MGAT4C: variants seen among roughly 807,000 people sequenced by gnomAD.
MGAT4C encodes the protein alpha-1,3-mannosyl-glycoprotein 4-beta-N-acetylglucosaminyltransferase C.
A neutral mutation model predicts 40.1 loss-of-function variants in MGAT4C; 19 were observed. The observed-to-expected ratio is 0.47, with a 90% CI of 0.33 to 0.70. The LOEUF (loss-of-function observed/expected upper bound fraction) is 0.70. Ranked by LOEUF, MGAT4C falls within the 30% of genes least tolerant of loss-of-function variation. MGAT4C has a pLI of 0.02. For synonymous variants in MGAT4C, 181 were observed against 187.1 expected, an observed-to-expected ratio of 0.97 and a Z score of 0.27; for missense variants, 491 against 563.2, an observed-to-expected ratio of 0.87 and a Z score of 1.30.
At chr12:86,832,526 G>T (rs1363598904) in intron 1 of MGAT4C, among the ~76,000 whole-genome samples, 2 of 151,760 alleles carry the variant, frequency 1.3e-5, no homozygotes, top group African/African-American at 4.8e-5. Flanking sequence ...AACTAGAGTA[G>T]CATCATACCT....
intron 4 of MGAT4C, among the ~76,000 whole-genome samples, chr12:86,309,549 A>C (rs1190047620): frequency 6.6e-6 from 1 of 152,186 alleles, no homozygotes; most frequent in Non-Finnish European, 1.5e-5. Flanking sequence ...CCAAGGTAAC[A>C]GCCTAAATTC....
intron 2 of MGAT4C, among the ~76,000 whole-genome samples, chr12:86,038,353 A>G (rs1891449028): frequency 6.7e-6 from 1 of 149,278 alleles, no homozygotes; most frequent in South Asian, 2.1e-4. Context: ...CTTTTTTCCC[A>G]ACATTTAGCT....
intron 1 of MGAT4C, among the ~76,000 whole-genome samples, chr12:86,764,118 G>A (rs1951455984): frequency 6.6e-6 from 1 of 152,134 alleles, no homozygotes; most frequent in African/African-American, 2.4e-5. Flanking sequence ...GTCAAAGAAA[G>A]GGGTGACAGA....
At chr12:86,136,230 T>G (rs2135724500) in intron 1 of MGAT4C, among the ~76,000 whole-genome samples, 1 of 152,314 alleles carries the variant, frequency 6.6e-6, no homozygotes, top group African/African-American at 2.4e-5. Context: ...AGAAGTGTTC[T>G]AAAAACAGGG....
intron 3 of MGAT4C, among the ~76,000 whole-genome samples, chr12:86,348,527 CA>C (rs1326443539): frequency 6.6e-6 from 1 of 151,940 alleles, no homozygotes; most frequent in Non-Finnish European, 1.5e-5. Context: ...GGATGTATTT[CA>C]AAATAAATTG....
intron 2 of MGAT4C, among the ~76,000 whole-genome samples, chr12:86,718,036 G>A (rs143813104): frequency 6.6e-6 from 1 of 152,064 alleles, no homozygotes; most frequent in Non-Finnish European, 1.5e-5. Context: ...AGACGTTTTT[G>A]TTGGTCATAA....
chr12:86,087,026 T>C (rs1263675122), intron 1 of MGAT4C, among the ~76,000 whole-genome samples: 1 of 152,122 alleles, frequency 6.6e-6, no homozygotes, highest in East Asian at 1.9e-4. Flanking sequence ...GGCTGAATAA[T>C]ATTTTATTGT....
Position 86,793,209 on chromosome 12 carries a change from T to A in MGAT4C, c.-262+45457A>T, listed in dbSNP as rs571808256. ...GATAATTATGCAGGGATTCATTTTT[T>A]TAGTTTATTCTTGCTTCGTGCTATT... On this transcript the variant is annotated intron_variant, in intron 1 of 7. Coordinates refer to the MGAT4C transcript ENST00000548651. Among the ~76,000 whole-genome samples, 7 of 152,290 alleles carry A rather than the reference T, an allele frequency of 4.6e-5. No individual in the cohort carries two copies. The South Asian group carries it at 1.4e-3, about 32-fold the overall frequency.
intron 4 of MGAT4C, among the ~76,000 whole-genome samples, chr12:86,331,157 G>T (rs549293959): frequency 1.3e-4 from 20 of 152,220 alleles, no homozygotes; most frequent in Admixed American, 1.2e-3. Flanking sequence ...TTGGAAGAGG[G>T]CCAAGCAGGC....
intron 3 of MGAT4C, among the ~76,000 whole-genome samples, chr12:86,408,871 T>A (rs1443630758): frequency 6.6e-6 from 1 of 152,106 alleles, no homozygotes; most frequent in South Asian, 2.1e-4. Flanking sequence ...CTAAATAGTA[T>A]ATAACCTATT....
rs1883601329 is a variant in MGAT4C at position 85,971,086 on chromosome 12, T to C, written c.*8203A>G. 6.6e-6 allele frequency: 1 copy of C among 151,206 alleles called. No homozygotes were observed. Among genetic ancestry groups the C allele is most frequent in the African/African-American group, 2.4e-5 (1 of 41,350 alleles). The allele number at this position is 151,206 out of a possible 1,614,324, so 9.4% of individuals were successfully genotyped here. A position where few individuals can be genotyped will look rare whatever the true frequency, so the allele number is the denominator to read the frequency against. Reference sequence around the variant, plus strand: ...TTTACTGATGAAAATCAGAAGAATGTTGAAAAATTAGTGCATTTATAATAA... The same window carrying C: ...TTTACTGATGAAAATCAGAAGAATGCTGAAAAATTAGTGCATTTATAATAA... On this transcript the variant is annotated 3_prime_UTR_variant, in exon 5 of 5. Coordinates refer to ENST00000611864, the MANE Select transcript of MGAT4C (RefSeq NM_001351288.2).
intron 3 of MGAT4C, among the ~76,000 whole-genome samples, chr12:86,355,149 C>A (rs1955280921): frequency 6.6e-6 from 1 of 152,140 alleles, no homozygotes; most frequent in South Asian, 2.1e-4. Flanking sequence ...CCACAGAGCA[C>A]TGATTGGTGC....
intron 3 of MGAT4C, among the ~76,000 whole-genome samples, chr12:86,406,796 A>T (rs61949489): frequency 0.1 from 15,872 of 152,084 alleles, 1,034 homozygotes; most frequent in Middle Eastern, 0.25. Flanking sequence ...TTATCTCTTC[A>T]CACACTCAAC....
At chr12:86,052,631 C>A (rs965972829) in intron 1 of MGAT4C, among the ~76,000 whole-genome samples, 1 of 151,760 alleles carries the variant, frequency 6.6e-6, no homozygotes, top group Non-Finnish European at 1.5e-5. Flanking sequence ...ATTGGGAACA[C>A]AAAACATGAA....
chr12:86,519,497 T>C (rs1958754998), intron 2 of MGAT4C, among the ~76,000 whole-genome samples: 1 of 152,136 alleles, frequency 6.6e-6, no homozygotes, highest in African/African-American at 2.4e-5. Flanking sequence ...CCACAGTGGT[T>C]GTACTAATTT....
At chr12:86,274,160 T>TC (rs762487335) in intron 4 of MGAT4C, among the ~76,000 whole-genome samples, 3 of 151,992 alleles carry the variant, frequency 2.0e-5, no homozygotes, top group Non-Finnish European at 4.4e-5. Context: ...AACAACCAGA[T>TC]CTCATGACAA....
chr12:86,085,739 A>T (rs1296589969), intron 1 of MGAT4C, among the ~76,000 whole-genome samples: 1 of 152,200 alleles, frequency 6.6e-6, no homozygotes, highest in Non-Finnish European at 1.5e-5. Flanking sequence ...GAATATGAAC[A>T]GACACTTTTC....
In MGAT4C at chr12:86,090,665, C is replaced by T. The variant is rs12425751; in HGVS notation, c.-56-40942G>A. Among the ~76,000 whole-genome samples the T allele has an allele frequency of 7.7e-3, 1,164 of 151,750 alleles. 8 individuals carry two copies. The highest frequency in any genetic ancestry group is 0.015 in the Admixed American group (228 of 15,180). On this transcript the variant is annotated intron_variant, in intron 1 of 4. Transcript: ENST00000611864. The stretch of plus-strand genomic sequence containing the variant: ...TCAAGGCTAGCAATTCTTTTGTGAC[C>T]ATATATACCTCTAAACAATGACAAT...
intron 2 of MGAT4C, among the ~76,000 whole-genome samples, chr12:86,722,278 G>A (rs1023001875): frequency 6.6e-6 from 1 of 152,078 alleles, no homozygotes. Context: ...AAGACTCTGA[G>A]CATGCATCTT....
Sources: gnomAD v4.1 joint callset for allele counts (sites outside exome capture counted in the v4.1 genomes callset) on GRCh38, gnomAD v4.1.1 for gene constraint, MANE v1.5 for transcripts, NCBI Gene and HGNC (gene_info 2026-07-23, HGNC 2026-07-21) for gene names.